TMEM163: variants seen among roughly 807,000 people sequenced by gnomAD.
The protein encoded by TMEM163 is transmembrane protein 163.
A neutral mutation model predicts 29.3 loss-of-function variants in TMEM163; 17 were observed. That is an observed-to-expected ratio of 0.58 (90% CI 0.40 to 0.87). The LOEUF is 0.87. Ranked by LOEUF, TMEM163 falls within the 40% of genes least tolerant of loss-of-function variation. The probability of loss-of-function intolerance (pLI) is 0.00; values close to 1 mark genes in which losing one functional copy is unlikely to be tolerated. For missense variants in TMEM163, 303 were observed against 381.5 expected (o/e 0.79, Z 1.71); for synonymous variants, 157 against 160.6 (o/e 0.98, Z 0.17).
intron 2 of TMEM163, among the ~76,000 whole-genome samples, chr2:134,572,887 T>G (rs747434912): frequency 6.6e-6 from 1 of 152,218 alleles, no homozygotes; most frequent in Non-Finnish European, 1.5e-5. Flanking sequence ...CGATCTCAAA[T>G]GACATTTAGG....
chr2:134,515,748 A>G (rs1680043594), intron 4 of TMEM163, among the ~76,000 whole-genome samples: 1 of 152,238 alleles, frequency 6.6e-6, no homozygotes, highest in African/African-American at 2.4e-5. Flanking sequence ...GAAATACATA[A>G]AAATAAATCT....
chr2:134,492,376 C>T (rs2106482889), intron 5 of TMEM163, among the ~76,000 whole-genome samples: 1 of 152,322 alleles, frequency 6.6e-6, no homozygotes, highest in South Asian at 2.1e-4. Flanking sequence ...AAGTATACAC[C>T]TTGATCAGCA....
chr2:134,595,110 T>TTA (rs1386616765), intron 2 of TMEM163, among the ~76,000 whole-genome samples: 3 of 151,588 alleles, frequency 2.0e-5, no homozygotes, highest in Non-Finnish European at 4.4e-5. Context: ...TATTTTTTAT[T>TTA]TATATATATA....
chr2:134,550,791 A>G (rs1338165211), intron 3 of TMEM163, 130 bp from the exon 4 acceptor site: 5 of 839,030 alleles, frequency 6.0e-6, no homozygotes, highest in Non-Finnish European at 9.6e-6. Context: ...GTCTCCCATC[A>G]TTACGACGCA....
chr2:134,646,197 G>T (rs114322419), intron 2 of TMEM163, among the ~76,000 whole-genome samples: 1 of 151,312 alleles, frequency 6.6e-6, no homozygotes, highest in Non-Finnish European at 1.5e-5. Context: ...GGATTTTTCC[G>T]CCTCAGCCTC....
chr2:134,504,459 AATG>A (rs10534609), intron 4 of TMEM163, among the ~76,000 whole-genome samples: 29,806 of 151,332 alleles, frequency 0.2, 3,288 homozygotes, highest in South Asian at 0.37. Context: ...TGCAAAAAAA[AATG>A]AAACATTGAG....
intron 1 of TMEM163, among the ~76,000 whole-genome samples, chr2:134,716,416 A>C (rs1166756691): frequency 6.6e-6 from 1 of 152,222 alleles, no homozygotes; most frequent in African/African-American, 2.4e-5. Context: ...GTCTCAAAAC[A>C]CTAGATTTTA....
chr2:134,627,586 T>C (rs1442178486), intron 2 of TMEM163, among the ~76,000 whole-genome samples: 1 of 152,170 alleles, frequency 6.6e-6, no homozygotes, highest in Non-Finnish European at 1.5e-5. Flanking sequence ...ATTTAATAAT[T>C]TAAAGACACA....
chr2:134,636,255 A>G (rs1683101938), intron 2 of TMEM163, among the ~76,000 whole-genome samples: 1 of 152,234 alleles, frequency 6.6e-6, no homozygotes, highest in Non-Finnish European at 1.5e-5. Flanking sequence ...AGGTACAGGC[A>G]CCAAATCTAA....
At chr2:134,635,542 C>T (rs768541549) in intron 2 of TMEM163, among the ~76,000 whole-genome samples, 6 of 152,060 alleles carry the variant, frequency 3.9e-5, no homozygotes, top group East Asian at 1.9e-4. Context: ...CATTCGATGC[C>T]GCTAGAGTCC....
intron 1 of TMEM163, among the ~76,000 whole-genome samples, chr2:134,717,793 G>A (rs892323560): frequency 4.6e-5 from 7 of 152,332 alleles, no homozygotes; most frequent in African/African-American, 1.7e-4. Flanking sequence ...GCAAGAAGTA[G>A]AAAAGGTGCA....
At chr2:134,563,965 T>A (rs1681237545) in intron 2 of TMEM163, among the ~76,000 whole-genome samples, 1 of 151,970 alleles carries the variant, frequency 6.6e-6, no homozygotes. Context: ...GGCAGGAGAA[T>A]CTCTTGAACC....
At position 134,502,921 on chromosome 2, in the gene TMEM163, T is replaced by C. The variant is rs371144714; in HGVS notation, c.535A>G (p.Thr179Ala). 1.4e-5 allele frequency: 22 copies of C among 1,613,882 alleles called. No homozygotes were observed. Among genetic ancestry groups the C allele is most frequent in the African/African-American group, 2.7e-5 (2 of 75,006 alleles). The change falls in exon 5 of 8, where the codon ACT (threonine) becomes GCT (alanine). Residue 179 changes from threonine to alanine, a missense_variant. By Grantham distance (58) the Thr-to-Ala change is moderately conservative. Transcript: ENST00000281924. Reference protein sequence around the residue: ...IVVKAIHDLSTRLLPEVDDFL... With the variant: ...IVVKAIHDLSARLLPEVDDFL... ...CTTACCACTTCTGGGAGCAGCCTAG[T>C]TGAGAGGTCATGGATGGCTTTGACC... is the stretch of plus-strand genomic sequence containing the variant.
chr2:134,598,841 A>G (rs1397027202), intron 2 of TMEM163, among the ~76,000 whole-genome samples: 1 of 151,480 alleles, frequency 6.6e-6, no homozygotes, highest in Non-Finnish European at 1.5e-5. Context: ...AATTGCTTGA[A>G]CCTGGGAGGT....
chr2:134,479,860 G>T (rs189823579), intron 5 of TMEM163, among the ~76,000 whole-genome samples: 36 of 152,332 alleles, frequency 2.4e-4, no homozygotes, highest in Middle Eastern at 3.4e-3. Context: ...AGCCAGGCTG[G>T]AATGTGGCGA....
intron 2 of TMEM163, among the ~76,000 whole-genome samples, chr2:134,589,287 G>T (rs1485454176): frequency 6.6e-6 from 1 of 152,190 alleles, no homozygotes; most frequent in Non-Finnish European, 1.5e-5. Flanking sequence ...TAGGGGCTGG[G>T]AAAAATAAGG....
chr2:134,713,643 C>G, intron 1 of TMEM163: 1 of 494,516 alleles, frequency 2.0e-6, no homozygotes, highest in Non-Finnish European at 4.0e-6. Flanking sequence ...TGTTATGTTG[C>G]TTGGCCTCAG....
chr2:134,567,250 C>T (rs149776271), intron 2 of TMEM163, among the ~76,000 whole-genome samples: 157 of 152,314 alleles, frequency 1.0e-3, no homozygotes, highest in African/African-American at 3.6e-3. Context: ...TATGTGGTTC[C>T]TTGCCATCAC....
intron 2 of TMEM163, among the ~76,000 whole-genome samples, chr2:134,651,621 T>C (rs201582990): frequency 9.3e-5 from 11 of 117,656 alleles, no homozygotes; most frequent in African/African-American, 3.4e-4. Flanking sequence ...TCCTTGCCCA[T>C]GCCTATGTCC....
Sources: gnomAD v4.1 joint callset for allele counts (sites outside exome capture counted in the v4.1 genomes callset) on GRCh38, gnomAD v4.1.1 for gene constraint, MANE v1.5 for transcripts, NCBI Gene and HGNC (gene_info 2026-07-23, HGNC 2026-07-21) for gene names.